Variants in USP34 observed in about 807,000 individuals in gnomAD.
USP34 encodes ubiquitin carboxyl-terminal hydrolase 34.
USP34 carries 70 observed loss-of-function variants against 460.3 expected under a neutral mutation model. The observed-to-expected ratio is 0.15, with a 90% CI of 0.13 to 0.19. The LOEUF is 0.19. USP34 is among the 10% of genes least tolerant of loss of function. The pLI, the probability that USP34 is intolerant of heterozygous loss-of-function variation, is 1.00. For synonymous variants in USP34, 1,647 were observed against 1,405.3 expected, an observed-to-expected ratio of 1.17 and a Z score of -3.85; for missense variants, 3,985 against 4,236.2, an observed-to-expected ratio of 0.94 and a Z score of 1.65.
intron 5 of USP34, among the ~76,000 whole-genome samples, chr2:61,387,538 C>T (rs1462130288): frequency 2.1e-5 from 3 of 143,956 alleles, no homozygotes; most frequent in African/African-American, 7.7e-5. Context: ...TATATACACA[C>T]ATATATAAAA....
chr2:61,291,373 A>G (rs1689846586), intron 33 of USP34, among the ~76,000 whole-genome samples: 1 of 152,180 alleles, frequency 6.6e-6, no homozygotes, highest in Non-Finnish European at 1.5e-5. Context: ...AGCTTTGGTA[A>G]ACTGTTTGGA....
intron 10 of USP34, among the ~76,000 whole-genome samples, chr2:61,363,284 G>C (rs2103817783): frequency 6.6e-6 from 1 of 152,274 alleles, no homozygotes; most frequent in East Asian, 1.9e-4. Flanking sequence ...TGCAGCTTTT[G>C]TGCAAAACAA....
intron 1 of USP34, among the ~76,000 whole-genome samples, chr2:61,445,990 G>A (rs1573050277): frequency 6.6e-6 from 1 of 151,168 alleles, no homozygotes; most frequent in Non-Finnish European, 1.5e-5. Context: ...GTGGGCACCT[G>A]TAATCCCAGC....
In USP34 at chr2:61,246,404, G is replaced by A. The variant is rs1329823798; in HGVS notation, c.6468C>T (p.His2156=). The change falls in exon 50 of 80, where the codon CAC becomes CAT. Residue 2156 remains histidine, a synonymous_variant. Transcript: ENST00000398571. ...AGTGTCCACCATCTGCCGTTCCTGT[G>A]TGAACAGTCACTCCTATCAAGTCAT... ...YEYDLIGVTV[H]TGTADGGHYY... The A allele has an allele frequency of 1.2e-6, 2 of 1,610,798 alleles. No homozygotes were observed. Among genetic ancestry groups the A allele is most frequent in the African/African-American group, 2.7e-5 (2 of 74,832 alleles).
At chr2:61,459,159 T>G (rs985882078) in intron 1 of USP34, among the ~76,000 whole-genome samples, 1 of 152,022 alleles carries the variant, frequency 6.6e-6, no homozygotes, top group African/African-American at 2.4e-5. Context: ...TTTCCCAACT[T>G]CCACAGTCAG....
chr2:61,470,779 G>A lies in USP34; in HGVS notation c.-87C>T, dbSNP rs1044692391. ...GGGGGGAGGGGAGAGAGGCGGAGGA[G>A]GGGGCCGGCCGGCCGGCGGGGCGGG... On this transcript the variant is annotated 5_prime_UTR_variant, in exon 1 of 80. Coordinates refer to ENST00000398571, the MANE Select transcript of USP34 (RefSeq NM_014709.4). 3 of 1,243,746 alleles carry A rather than the reference G, an allele frequency of 2.4e-6. No homozygotes were observed. Among genetic ancestry groups the A allele is most frequent in the South Asian group, 2.6e-5 (2 of 77,044 alleles). The allele number at this position is 1,243,746 out of a possible 1,614,324, so 77.0% of individuals were successfully genotyped here.
At chr2:61,244,619 CAA>C (rs61343219) in intron 51 of USP34, among the ~76,000 whole-genome samples, 68,213 of 122,674 alleles carry the variant, frequency 0.56, 16,713 homozygotes, top group South Asian at 0.73. Flanking sequence ...GACTTGGGGG[CAA>C]AAAAAAAAAA....
In USP34 at chr2:61,214,636, C is replaced by G; in HGVS notation, c.8106G>C (p.Arg2702=). 1 of 1,614,118 alleles carries G rather than the reference C, an allele frequency of 6.2e-7. No individual in the cohort carries two copies. Among genetic ancestry groups the G allele is most frequent in the Non-Finnish European group, 8.5e-7 (1 of 1,180,014 alleles). ...IPSNSFRQMF[R]STRSLHIPTR... Reference sequence around the variant, plus strand: ...TTGGGATGTGCAAAGACCTTGTTGACCGGAACATCTGACGGAATGAATTGC... The same window carrying G: ...TTGGGATGTGCAAAGACCTTGTTGAGCGGAACATCTGACGGAATGAATTGC... The change falls in exon 68 of 80, where the codon CGG becomes CGC. Residue 2702 remains arginine (R), a synonymous_variant. Transcript: ENST00000398571.
chr2:61,193,223 CTTTTTT>C (rs1218556430), intron 75 of USP34: 7 of 320,846 alleles, frequency 2.2e-5, no homozygotes, highest in Non-Finnish European at 4.0e-5. Context: ...ATCAACTCTT[CTTTTTT>C]GAGTATTAGA....
At chr2:61,208,058 T>C (rs966830291) in intron 70 of USP34, 3 of 152,310 alleles carry the variant, frequency 2.0e-5, no homozygotes, top group African/African-American at 7.2e-5. Flanking sequence ...AAACAGCTGA[T>C]TTTAACCCTG....
chr2:61,382,791 T>G (rs17008881), intron 6 of USP34, among the ~76,000 whole-genome samples: 20,764 of 152,172 alleles, frequency 0.14, 1,939 homozygotes, highest in South Asian at 0.35. Context: ...ATGAGACCTT[T>G]CCTGTCCCCA....
chr2:61,380,455 A>AT (rs1378709078), intron 6 of USP34, 94 bp from the exon 7 acceptor site: 17 of 1,317,842 alleles, frequency 1.3e-5, no homozygotes, highest in Non-Finnish European at 1.6e-5. Flanking sequence ...AAGCATTAAC[A>AT]TTTTTTGTGT....
chr2:61,458,027 C>T (rs1474905618), intron 1 of USP34, among the ~76,000 whole-genome samples: 3 of 152,108 alleles, frequency 2.0e-5, no homozygotes, highest in Admixed American at 6.6e-5. Flanking sequence ...TACGATTTTT[C>T]AGATATTTTA....
intron 2 of USP34, among the ~76,000 whole-genome samples, chr2:61,418,819 A>T (rs1402157526): frequency 1.3e-5 from 2 of 152,234 alleles, no homozygotes; most frequent in Non-Finnish European, 2.9e-5. Context: ...AGAGTATAAC[A>T]TTCCACTTTT....
chr2:61,230,737 G>A (rs1036374960), intron 58 of USP34, among the ~76,000 whole-genome samples: 4 of 151,630 alleles, frequency 2.6e-5, no homozygotes, highest in Admixed American at 6.6e-5. Context: ...CCAGCTACTT[G>A]GAAAGCTGAG....
chr2:61,314,512 T>C, intron 25 of USP34, 73 bp downstream of exon 25: 1 of 1,317,748 alleles, frequency 7.6e-7, no homozygotes, highest in African/African-American at 1.5e-5. Context: ...TTAGATTCAC[T>C]TTAAGAATAT....
At chr2:61,300,511 C>T (rs867856058) in intron 29 of USP34, among the ~76,000 whole-genome samples, 14 of 145,882 alleles carry the variant, frequency 9.6e-5, no homozygotes, top group African/African-American at 3.2e-4. Flanking sequence ...TAAAAGATTA[C>T]TGAGGGCCAG....
At chr2:61,413,901 ATCC>A (rs1694120546) in intron 2 of USP34, among the ~76,000 whole-genome samples, 1 of 150,980 alleles carries the variant, frequency 6.6e-6, no homozygotes, top group African/African-American at 2.4e-5. Flanking sequence ...ATTGCACTCC[ATCC>A]TGGCGATACA....
intron 23 of USP34, among the ~76,000 whole-genome samples, chr2:61,316,142 G>T (rs1690738567): frequency 6.6e-6 from 1 of 152,058 alleles, no homozygotes; most frequent in Non-Finnish European, 1.5e-5. Flanking sequence ...GGAGGCGGAG[G>T]TTGCAGTGAG....
Sources: gnomAD v4.1 joint callset for allele counts (sites outside exome capture counted in the v4.1 genomes callset) on GRCh38, gnomAD v4.1.1 for gene constraint, MANE v1.5 for transcripts, NCBI Gene and HGNC (gene_info 2026-07-23, HGNC 2026-07-21) for gene names.